The following NKD1 variants were observed in gnomAD, a reference collection of about 807,000 sequenced individuals.
NKD1 encodes NKD inhibitor of Wnt signaling pathway 1.
Under a neutral mutation model 56.0 loss-of-function variants are expected in NKD1, and 21 were observed. The observed-to-expected ratio is 0.38, with a 90% CI of 0.27 to 0.54. The LOEUF (loss-of-function observed/expected upper bound fraction) is 0.54, where lower values mean the gene tolerates loss of function less well. Among genes scored for constraint, NKD1 ranks in the 20% least tolerant of loss-of-function variants. NKD1 has a pLI of 0.82. For synonymous variants in NKD1, 263 were observed against 265.7 expected (o/e 0.99, Z 0.10); for missense variants, 578 against 642.7 (o/e 0.90, Z 1.09).
intron 1 of NKD1, 44 bp downstream of exon 1, chr16:50,548,622 T>C (rs1960292129): frequency 6.9e-7 from 1 of 1,441,560 alleles, no homozygotes; most frequent in Non-Finnish European, 9.0e-7. Context: ...CCCGCCGCCG[T>C]CGCCGCCGCG....
rs1452112224 is a variant in NKD1 at position 50,641,823 on chromosome 16, C to T, written c.*8042C>T. 6.6e-6 allele frequency: 1 copy of T among 152,272 alleles called. No individual in the cohort carries two copies. Among genetic ancestry groups the T allele is most frequent in the Non-Finnish European group, 1.5e-5 (1 of 68,126 alleles). The allele number at this position is 152,272 out of a possible 1,614,324, so 9.4% of individuals were successfully genotyped here. A position where few individuals can be genotyped will look rare whatever the true frequency, so the allele number is the denominator to read the frequency against. The stretch of plus-strand genomic sequence containing the variant: ...TCTTTGGGGCAGTCCTGGAGACCCT[C>T]ACAATGTGGCCCCACTCCTCCTTTA... On this transcript the variant is annotated 3_prime_UTR_variant, in exon 10 of 10. Transcript: ENST00000268459.
Position 50,549,487 on chromosome 16 carries a change from C to A in NKD1, c.124C>A (p.Arg42Ser). Residue 42 changes from arginine (R) to serine (S), a missense_variant, in exon 3 of 10, where the codon CGC (arginine) becomes AGC (serine). By Grantham distance (110) the Arg-to-Ser change is moderately radical. Transcript: ENST00000268459. ...CATCGAGGAGTGGATCGGGAGACAG[C>A]GCTGCCCGGGCGGTGTCTCGGGACC... is the stretch of plus-strand genomic sequence containing the variant. Reference protein sequence around the residue: ...KGIEEWIGRQRCPGGVSGPRQ... With the variant: ...KGIEEWIGRQSCPGGVSGPRQ... The A allele has an allele frequency of 6.2e-7, 1 of 1,609,864 alleles. No individual in the cohort carries two copies. Among genetic ancestry groups the A allele is most frequent in the South Asian group, 1.1e-5 (1 of 90,882 alleles).
At chr16:50,587,467 T>C (rs1961255210) in intron 3 of NKD1, among the ~76,000 whole-genome samples, 1 of 152,234 alleles carries the variant, frequency 6.6e-6, no homozygotes, top group Admixed American at 6.5e-5. Flanking sequence ...TTGTATTACT[T>C]TGGGGGGAAA....
Position 50,549,565 on chromosome 16 carries a change from C to G in NKD1, c.192+10C>G. On this transcript the variant is annotated intron_variant, in intron 3 of 9. Coordinates refer to ENST00000268459, the MANE Select transcript of NKD1 (RefSeq NM_033119.5). ...AGGCCGAAGCACCCGGGTATGATTC[C>G]CCACCCCTGCCCCACCTCCTGGCCT... 6.4e-7 allele frequency: 1 copy of G among 1,559,862 alleles called. No individual in the cohort carries two copies. Among genetic ancestry groups the G allele is most frequent in the Non-Finnish European group, 8.7e-7 (1 of 1,150,402 alleles).
intron 3 of NKD1, among the ~76,000 whole-genome samples, chr16:50,587,843 A>G (rs1164033105): frequency 6.6e-6 from 1 of 152,216 alleles, no homozygotes; most frequent in Non-Finnish European, 1.5e-5. Context: ...ACAGAAGTGC[A>G]AACCCTATCG....
At chr16:50,577,648 G>A (rs1368128083) in intron 3 of NKD1, among the ~76,000 whole-genome samples, 1 of 152,138 alleles carries the variant, frequency 6.6e-6, no homozygotes, top group Non-Finnish European at 1.5e-5. Flanking sequence ...GTACCCCTTG[G>A]CCATCACCCC....
At chr16:50,569,873 T>A (rs1960843126) in intron 3 of NKD1, among the ~76,000 whole-genome samples, 1 of 152,134 alleles carries the variant, frequency 6.6e-6, no homozygotes, top group Non-Finnish European at 1.5e-5. Context: ...ATGGAGGAAG[T>A]CCCGCATAGG....
Position 50,643,885 on chromosome 16 carries a change from C to A in NKD1, c.*10104C>A, listed in dbSNP as rs575910994. Reference sequence around the variant, plus strand: ...ATTTTCTCTGCAAGGCATATCAGAGCCTTCTGTGCTTAAGAGCACAAGATG... The same window carrying A: ...ATTTTCTCTGCAAGGCATATCAGAGACTTCTGTGCTTAAGAGCACAAGATG... On this transcript the variant is annotated 3_prime_UTR_variant, in exon 10 of 10. Coordinates refer to ENST00000268459, the MANE Select transcript of NKD1 (RefSeq NM_033119.5). 1 of 152,240 alleles carries A rather than the reference C, an allele frequency of 6.6e-6. No individual in the cohort carries two copies. Among genetic ancestry groups the A allele is most frequent in the South Asian group, 2.1e-4 (1 of 4,832 alleles). The allele number at this position is 152,240 out of a possible 1,614,324, so 9.4% of individuals were successfully genotyped here. A position where few individuals can be genotyped will look rare whatever the true frequency, so the allele number is the denominator to read the frequency against.
In NKD1 at chr16:50,549,271, C is replaced by G. The variant is rs1960318666; in HGVS notation, c.59-151C>G. On this transcript the variant is annotated intron_variant, in intron 2 of 9. Coordinates refer to ENST00000268459, the MANE Select transcript of NKD1 (RefSeq NM_033119.5). ...GAACCCCCCTTTACTTACCCGCGTC[C>G]CTCTCTTGGCTCCTGCCCCAGCCCG... 1.1e-5 allele frequency: 10 copies of G among 907,602 alleles called. No homozygotes were observed. In the South Asian group the frequency reaches 1.7e-4, roughly 16 times the overall value. 56.2% of individuals were successfully genotyped at this position (907,602 alleles called of 1,614,324 possible). A position where few individuals can be genotyped will look rare whatever the true frequency, so the allele number is the denominator to read the frequency against.
intron 6 of NKD1, 141 bp downstream of exon 6, chr16:50,625,721 G>A (rs1273992498): frequency 1.6e-6 from 1 of 638,614 alleles, no homozygotes; most frequent in East Asian, 2.8e-5. Flanking sequence ...GGAGTTGCTG[G>A]GAGCTCCTGC....
chr16:50,609,176 G>A (rs1372839017), intron 4 of NKD1, among the ~76,000 whole-genome samples: 1 of 152,232 alleles, frequency 6.6e-6, no homozygotes, highest in African/African-American at 2.4e-5. Flanking sequence ...GAATCAGGAC[G>A]CTTAAGCGTA....
chr16:50,574,792 A>T, intron 3 of NKD1: 1 of 985,466 alleles, frequency 1.0e-6, no homozygotes, highest in Non-Finnish European at 1.2e-6. Context: ...AAAAATAAAA[A>T]GTTAAAAGAC....
At chr16:50,630,382 G>A (rs1255443023) in intron 7 of NKD1, 49 bp downstream of exon 7, 1 of 1,603,878 alleles carries the variant, frequency 6.2e-7, no homozygotes, top group Non-Finnish European at 8.5e-7. Flanking sequence ...CCCATCTCAG[G>A]AAGGAACAGA....
At position 50,637,769 on chromosome 16, in the gene NKD1, A is replaced by G. The variant is rs1962499733; in HGVS notation, c.*3988A>G. 6.6e-6 allele frequency: 1 copy of G among 152,174 alleles called. No homozygotes were observed. The highest frequency in any genetic ancestry group is 1.5e-5 in the Non-Finnish European group (1 of 68,056). The allele number at this position is 152,174 out of a possible 1,614,324, so 9.4% of individuals were successfully genotyped here. A position where few individuals can be genotyped will look rare whatever the true frequency, so the allele number is the denominator to read the frequency against. Reference sequence around the variant, plus strand: ...TTGCAAATCTTCTGAAGGCCATTCCAGAGGAGCAGTTGCCACTGCCCCATC... The same window carrying G: ...TTGCAAATCTTCTGAAGGCCATTCCGGAGGAGCAGTTGCCACTGCCCCATC... On this transcript the variant is annotated 3_prime_UTR_variant, in exon 10 of 10. Coordinates refer to ENST00000268459, the MANE Select transcript of NKD1 (RefSeq NM_033119.5).
In NKD1 at chr16:50,575,274, A is replaced by ATTT. The variant is rs1402856312; in HGVS notation, c.192+25719_192+25720insTTT. 4 of 985,224 alleles carry ATTT rather than the reference A, an allele frequency of 4.1e-6. No homozygotes were observed. The East Asian group carries it at 3.4e-4, about 84-fold the overall frequency. 61.0% of individuals were successfully genotyped at this position (985,224 alleles called of 1,614,324 possible). ...TCTTCTGGGGTAACGTTGGCACTAA[A>ATTT]AGATTCACCAGTGCCCAGAGGCTGG... On this transcript the variant is annotated intron_variant, in intron 3 of 9. Transcript: ENST00000268459.
chr16:50,608,185 G>A, intron 3 of NKD1, 109 bp from the exon 4 acceptor site: 1 of 818,692 alleles, frequency 1.2e-6, no homozygotes, highest in Non-Finnish European at 2.2e-6. Context: ...CAGTTGACCT[G>A]AATTCCAATC....
rs113929918 is a variant in NKD1, at chr16:50,598,803, G to A, written c.193-9491G>A. 3.4e-3 allele frequency among the ~76,000 whole-genome samples: 513 copies of A among 152,228 alleles called. 6 individuals are homozygous for A. The highest frequency in any genetic ancestry group is 0.011 in the African/African-American group (462 of 41,536). On this transcript the variant is annotated intron_variant, in intron 3 of 9. Transcript: ENST00000268459. The surrounding 1 kb of genome is among the most constrained non-coding windows in gnomAD (Gnocchi z 4.2). ...GGTGTGGTGGGCAGTGGTGTGGCAG[G>A]ATCAGTGGTGCGATGTGCAGTGGCA...
intron 3 of NKD1, among the ~76,000 whole-genome samples, chr16:50,564,282 C>T (rs1342112503): frequency 6.6e-6 from 1 of 152,224 alleles, no homozygotes; most frequent in Non-Finnish European, 1.5e-5. Context: ...GCCTTCTTAA[C>T]CTTGGAGGTT....
chr16:50,554,780 G>A (rs969465938), intron 3 of NKD1, among the ~76,000 whole-genome samples: 4 of 152,002 alleles, frequency 2.6e-5, no homozygotes, highest in Admixed American at 2.0e-4. Flanking sequence ...CACTGTGTCC[G>A]GCTAATTCAT....
Sources: gnomAD v4.1 joint callset for allele counts (sites outside exome capture counted in the v4.1 genomes callset) on GRCh38, gnomAD v4.1.1 for gene constraint, Gnocchi (gnomAD v3.1) non-coding constraint, MANE v1.5 for transcripts, NCBI Gene and HGNC (gene_info 2026-07-23, HGNC 2026-07-21) for gene names.